The following OCA2 variants were observed in gnomAD, a reference collection of about 807,000 sequenced individuals.
OCA2 encodes the protein OCA2 melanosomal transmembrane protein, also known as P protein.
Under a neutral mutation model 100.2 loss-of-function variants are expected in OCA2, and 77 were observed. The ratio of observed to expected loss-of-function variants is 0.77; its 90% confidence interval spans 0.64 to 0.93. The LOEUF is 0.93. OCA2 is among the 40% of genes least tolerant of loss of function. The pLI is 0.00. For missense variants in OCA2, 1,062 were observed against 1,089.1 expected (o/e 0.98, Z 0.35); for synonymous variants, 432 against 439.2 (o/e 0.98, Z 0.21).
chr15:28,057,055 T>C (rs1378657161), intron 2 of OCA2, among the ~76,000 whole-genome samples: 2 of 152,240 alleles, frequency 1.3e-5, no homozygotes, highest in African/African-American at 4.8e-5. Flanking sequence ...TAGGTTTGTA[T>C]TGCTTTTCTG....
At chr15:27,805,541 C>T (rs1454417186) in intron 23 of OCA2, among the ~76,000 whole-genome samples, 1 of 152,170 alleles carries the variant, frequency 6.6e-6, no homozygotes, top group Admixed American at 6.5e-5. Flanking sequence ...CGCATGGAGC[C>T]GCTCGCCCAG....
intron 23 of OCA2, among the ~76,000 whole-genome samples, chr15:27,768,191 A>C (rs1299044965): frequency 2.0e-5 from 3 of 152,192 alleles, no homozygotes; most frequent in Non-Finnish European, 2.9e-5. Context: ...AGGGAGCTCC[A>C]CCGCCCTACA....
the OCA2 span, among the ~76,000 whole-genome samples, chr15:27,745,255 G>A: frequency 2.0e-5 from 3 of 152,172 alleles, no homozygotes; most frequent in South Asian, 4.1e-4. Flanking sequence ...ATGCTCGTGT[G>A]TGTATGTATA....
chr15:27,767,952 G>T (rs1270387638), intron 23 of OCA2, among the ~76,000 whole-genome samples: 2 of 152,222 alleles, frequency 1.3e-5, no homozygotes, highest in African/African-American at 2.4e-5. Context: ...CCTCTGTTTG[G>T]ACTTGCCACA....
chr15:27,775,063 CGTGTGTGTGTGTGTGTGT>C (rs66465683), intron 23 of OCA2, among the ~76,000 whole-genome samples: 2,239 of 143,032 alleles, frequency 0.016, 25 homozygotes, highest in Non-Finnish European at 0.022. Context: ...TTTTAGAACT[CGTGTGTGTGTGTGTGTGT>C]GTGTGTGTGT....
Position 27,774,792 on chromosome 15 carries a change from G to A in OCA2, c.2433-19320C>T, listed in dbSNP as rs77254154. ...GGTCTAGACACACAGAGAGGCAGCC[G>A]GACGCACAGAGGAAAGACCCAGTGA... is the stretch of plus-strand genomic sequence containing the variant. On this transcript the variant is annotated intron_variant, in intron 23 of 23. Coordinates refer to ENST00000354638, the MANE Select transcript of OCA2 (RefSeq NM_000275.3). Among the ~76,000 whole-genome samples the A allele has an allele frequency of 8.5e-5, 13 of 152,120 alleles. No homozygotes were observed. In the East Asian group the frequency reaches 1.4e-3, roughly 16 times the overall value.
chr15:27,821,699 T>A (rs1344104152), intron 23 of OCA2, among the ~76,000 whole-genome samples: 1 of 151,592 alleles, frequency 6.6e-6, no homozygotes, highest in South Asian at 2.1e-4. Context: ...CATGCACACA[T>A]ACACACATAA....
At chr15:27,896,911 C>A (rs549477092) in intron 19 of OCA2, among the ~76,000 whole-genome samples, 16 of 152,246 alleles carry the variant, frequency 1.1e-4, no homozygotes, top group Non-Finnish European at 1.9e-4. Context: ...TCTTGGCAGG[C>A]CAGGCGCAGT....
intron 23 of OCA2, among the ~76,000 whole-genome samples, chr15:27,822,607 G>A (rs1272222508): frequency 6.6e-6 from 1 of 152,092 alleles, no homozygotes; most frequent in Non-Finnish European, 1.5e-5. Flanking sequence ...GGTGTAAAAT[G>A]GCGCTGTGGT....
chr15:27,899,424 A>G (rs941871361), intron 19 of OCA2, among the ~76,000 whole-genome samples: 2 of 152,248 alleles, frequency 1.3e-5, no homozygotes, highest in African/African-American at 2.4e-5. Context: ...ATCCAATCAC[A>G]AGGGCTCTTA....
chr15:27,919,077 T>C (rs2038769983), intron 19 of OCA2, among the ~76,000 whole-genome samples: 2 of 152,320 alleles, frequency 1.3e-5, no homozygotes, highest in South Asian at 2.1e-4. Context: ...ATAAACATCA[T>C]ATAGTTCTCC....
intron 2 of OCA2, among the ~76,000 whole-genome samples, chr15:28,064,606 T>A (rs767514213): frequency 2.0e-5 from 3 of 152,136 alleles, no homozygotes; most frequent in African/African-American, 2.4e-5. Context: ...CTCAAGAATT[T>A]CTTGCTGATT....
chr15:27,890,669 T>C (rs1418448040), intron 19 of OCA2, among the ~76,000 whole-genome samples: 1 of 152,206 alleles, frequency 6.6e-6, no homozygotes, highest in Non-Finnish European at 1.5e-5. Flanking sequence ...AAAAGAATTT[T>C]TTACTAGCAG....
intron 15 of OCA2, among the ~76,000 whole-genome samples, chr15:27,958,830 T>C (rs1472776348): frequency 6.6e-6 from 1 of 152,078 alleles, no homozygotes; most frequent in Non-Finnish European, 1.5e-5. Context: ...GAATTAAAGA[T>C]AGGATGAAAA....
the OCA2 span, among the ~76,000 whole-genome samples, chr15:27,748,401 C>T: frequency 6.6e-6 from 1 of 152,116 alleles, no homozygotes; most frequent in African/African-American, 2.4e-5. Flanking sequence ...TCTCCACATC[C>T]TCAAGCAGCA....
the OCA2 span, among the ~76,000 whole-genome samples, chr15:27,738,596 A>C: frequency 6.6e-6 from 1 of 152,032 alleles, no homozygotes; most frequent in Non-Finnish European, 1.5e-5. Flanking sequence ...TTAGCCGGGC[A>C]TGGTGGTGGG....
intron 19 of OCA2, among the ~76,000 whole-genome samples, chr15:27,918,494 C>A (rs999623065): frequency 6.6e-6 from 1 of 152,182 alleles, no homozygotes; most frequent in Admixed American, 6.5e-5. Flanking sequence ...AGTCAGAAAT[C>A]CTTCCTGTTG....
chr15:27,827,432 C>G (rs150613429), intron 23 of OCA2, among the ~76,000 whole-genome samples: 1 of 152,162 alleles, frequency 6.6e-6, no homozygotes, highest in Non-Finnish European at 1.5e-5. Context: ...TAGGACAACA[C>G]CACCTTCCAC....
intron 23 of OCA2, among the ~76,000 whole-genome samples, chr15:27,790,278 A>T (rs2033018917): frequency 6.6e-6 from 1 of 152,252 alleles, no homozygotes. Context: ...AGACAGTAGG[A>T]AAACGAACTT....
Sources: allele counts gnomAD v4.1 joint callset (sites outside exome capture counted in the v4.1 genomes callset), GRCh38; gene constraint gnomAD v4.1.1; transcripts MANE v1.5; gene names NCBI Gene and HGNC (gene_info 2026-07-23, HGNC 2026-07-21).